MTRF1: variants seen among roughly 807,000 people sequenced by gnomAD.
MTRF1 encodes the protein mitochondrial translation release factor 1.
MTRF1 carries 51 observed loss-of-function variants against 62.9 expected under a neutral mutation model. The observed-to-expected ratio is 0.81, with a 90% CI of 0.65 to 1.02. The LOEUF is 1.02. Among genes scored for constraint, MTRF1 ranks in the 50% least tolerant of loss-of-function variants. The pLI, the probability that MTRF1 is intolerant of heterozygous loss-of-function variation, is 0.00. For missense variants in MTRF1, 446 were observed against 530.0 expected (o/e 0.84, Z 1.56); for synonymous variants, 158 against 181.9 (o/e 0.87, Z 1.06).
At position 41,217,167 on chromosome 13, in the gene MTRF1, T is replaced by C. The variant is rs1424495786; in HGVS notation, c.1286A>G (p.Asp429Gly). The C allele has an allele frequency of 6.2e-7, 1 of 1,609,458 alleles. No individual in the cohort carries two copies. The highest frequency in any genetic ancestry group is 8.5e-7 in the Non-Finnish European group (1 of 1,177,382). ...QLIQRLLQSA[D>G]EEAIAELLDE... Reference sequence around the variant, plus strand: ...CAAAAGTTCAGCAATGGCTTCTTCATCTGCTGATTGAAGCAGTCTCTGAAT... The same window carrying C: ...CAAAAGTTCAGCAATGGCTTCTTCACCTGCTGATTGAAGCAGTCTCTGAAT... Residue 429 changes from aspartate (D) to glycine (G), a missense_variant, in exon 10 of 10, where the codon GAT (aspartate) becomes GGT (glycine). By Grantham distance (94) the Asp-to-Gly change is moderately conservative. Transcript: ENST00000379480.
At chr13:41,225,679 C>T (rs370801897) in intron 8 of MTRF1, among the ~76,000 whole-genome samples, 21 of 151,740 alleles carry the variant, frequency 1.4e-4, no homozygotes, top group East Asian at 7.8e-4. Context: ...TGTAGTGGCA[C>T]GTGCCTGTAA....
At chr13:41,311,241 G>C in the MTRF1 span, 1 of 515,574 alleles carries the variant, frequency 1.9e-6, no homozygotes, top group South Asian at 2.6e-5. Context: ...GATCCGGCTC[G>C]GGAGGCGGAC....
chr13:41,225,934 T>G (rs1445928833), intron 8 of MTRF1, among the ~76,000 whole-genome samples: 6 of 152,062 alleles, frequency 3.9e-5, no homozygotes, highest in African/African-American at 1.4e-4. Context: ...TCATATATAT[T>G]GTACAAAATT....
In MTRF1 at chr13:41,260,633, C is replaced by G; in HGVS notation, c.275G>C (p.Cys92Ser). Residue 92 changes from cysteine to serine, a missense_variant, in exon 2 of 10, where the codon TGT becomes TCT. By Grantham distance (112) the Cys-to-Ser change is moderately radical. Coordinates refer to ENST00000379480, the MANE Select transcript of MTRF1 (RefSeq NM_004294.4). ...CTCATTCACAGGGATATGCTGCAGACATTGCTCAAGTGTTTGGTACTCCTT... is the reference window on the plus strand; with the variant it reads ...CTCATTCACAGGGATATGCTGCAGAGATTGCTCAAGTGTTTGGTACTCCTT... ...LSKEYQTLEQ[C>S]LQHIPVNEEN... 1 of 1,614,134 alleles carries G rather than the reference C, an allele frequency of 6.2e-7. No homozygotes were observed. Among genetic ancestry groups the G allele is most frequent in the South Asian group, 1.1e-5 (1 of 91,074 alleles).
the MTRF1 span, among the ~76,000 whole-genome samples, chr13:41,295,836 C>G: frequency 6.6e-6 from 1 of 152,246 alleles, no homozygotes; most frequent in Non-Finnish European, 1.5e-5. Context: ...GGCTGGAGTA[C>G]AGTTGTGTGA....
At chr13:41,283,585 C>T in the MTRF1 span, among the ~76,000 whole-genome samples, 31 of 83,550 alleles carry the variant, frequency 3.7e-4, no homozygotes, top group South Asian at 9.9e-4. Flanking sequence ...CTCTGACAAT[C>T]TTTTTTTTTT....
At chr13:41,273,114 CAGG>C in the MTRF1 span, among the ~76,000 whole-genome samples, 1 of 151,990 alleles carries the variant, frequency 6.6e-6, no homozygotes, top group Admixed American at 6.6e-5. Context: ...ATCACGAGGT[CAGG>C]AGATCGAGAC....
intron 6 of MTRF1, chr13:41,235,449 A>C (rs2036327630): frequency 6.6e-6 from 1 of 152,244 alleles, no homozygotes; most frequent in Non-Finnish European, 1.5e-5. Context: ...GCTCCCAAAA[A>C]GATATGTTCA....
the MTRF1 span, among the ~76,000 whole-genome samples, chr13:41,300,903 C>A: frequency 6.6e-6 from 1 of 152,134 alleles, no homozygotes; most frequent in South Asian, 2.1e-4. Flanking sequence ...TGCCTGGGTG[C>A]AGGGGGCATG....
chr13:41,287,980 C>A, the MTRF1 span: 1 of 386,278 alleles, frequency 2.6e-6, no homozygotes, highest in South Asian at 2.2e-5. Flanking sequence ...AGTTTACTTC[C>A]CACAAGAATG....
chr13:41,219,290 C>CAA (rs55810411), intron 9 of MTRF1, among the ~76,000 whole-genome samples: 3 of 131,922 alleles, frequency 2.3e-5, no homozygotes, highest in African/African-American at 3.0e-5. Flanking sequence ...GACTCTGTCT[C>CAA]AAAAAAAAAA....
At chr13:41,274,130 A>G in the MTRF1 span, among the ~76,000 whole-genome samples, 4 of 152,180 alleles carry the variant, frequency 2.6e-5, no homozygotes, top group Non-Finnish European at 4.4e-5. Flanking sequence ...GGGGGCCCCA[A>G]GATTTATTTT....
At position 41,216,434 on chromosome 13, in the gene MTRF1, C is replaced by G. The variant is rs1447359536; in HGVS notation, c.*681G>C. ...TTCATACAGCAATCAAAGGGCTTTA[C>G]TGTCTGTACCCAGATGCTCATTGTT... On this transcript the variant is annotated 3_prime_UTR_variant, in exon 10 of 10. Transcript: ENST00000379480. 6.6e-6 allele frequency: 1 copy of G among 151,368 alleles called. No individual in the cohort carries two copies. Among genetic ancestry groups the G allele is most frequent in the African/African-American group, 2.4e-5 (1 of 41,194 alleles). The allele number at this position is 151,368 out of a possible 1,614,324, so 9.4% of individuals were successfully genotyped here. A position where few individuals can be genotyped will look rare whatever the true frequency, so the allele number is the denominator to read the frequency against.
chr13:41,254,449 T>C (rs1000265989), intron 3 of MTRF1, 80 bp downstream of exon 3: 31 of 953,304 alleles, frequency 3.3e-5, no homozygotes, highest in Non-Finnish European at 9.7e-6. Context: ...GAAACCACTA[T>C]GAGCACCGAA....
chr13:41,248,249 G>A (rs1428425837), intron 5 of MTRF1, among the ~76,000 whole-genome samples: 1 of 152,158 alleles, frequency 6.6e-6, no homozygotes. Flanking sequence ...AGCCTCCTGA[G>A]TAACTGAGGT....
upstream of MTRF1, among the ~76,000 whole-genome samples, chr13:41,267,878 C>G (rs538108256): frequency 5.2e-4 from 78 of 149,688 alleles, 1 homozygote; most frequent in Admixed American, 5.1e-3. Context: ...AAAAAAATGG[C>G]GATCAAATTA....
intron 2 of MTRF1, among the ~76,000 whole-genome samples, chr13:41,259,319 G>A (rs565045152): frequency 6.6e-6 from 1 of 152,150 alleles, no homozygotes; most frequent in East Asian, 1.9e-4. Context: ...ACCAAAAAGT[G>A]GAAACAACTC....
the MTRF1 span, among the ~76,000 whole-genome samples, chr13:41,276,147 T>C: frequency 6.6e-6 from 1 of 152,102 alleles, no homozygotes; most frequent in African/African-American, 2.4e-5. Flanking sequence ...AGATTGCAAG[T>C]CACTAAAATT....
chr13:41,235,926 CAG>C (rs2036453214), intron 6 of MTRF1: 1 of 149,788 alleles, frequency 6.7e-6, no homozygotes, highest in Non-Finnish European at 1.5e-5. Context: ...TTTTTTGAGA[CAG>C]AGTCTTGCTT....
Sources: gnomAD v4.1 joint callset for allele counts (sites outside exome capture counted in the v4.1 genomes callset) on GRCh38, gnomAD v4.1.1 for gene constraint, MANE v1.5 for transcripts, NCBI Gene and HGNC (gene_info 2026-07-23, HGNC 2026-07-21) for gene names.